ZNRF3: variants seen among roughly 807,000 people sequenced by gnomAD.
ZNRF3 encodes E3 ubiquitin-protein ligase ZNRF3.
A neutral mutation model predicts 72.5 loss-of-function variants in ZNRF3; 23 were observed. The ratio of observed to expected loss-of-function variants is 0.32; its 90% CI spans 0.23 to 0.45. The LOEUF (loss-of-function observed/expected upper bound fraction) is 0.45, where lower values mean the gene tolerates loss of function less well. Ranked by LOEUF, ZNRF3 falls within the 20% of genes least tolerant of loss-of-function variation. The pLI is 1.00. For synonymous variants in ZNRF3, 610 were observed against 545.3 expected (o/e 1.12, Z -1.65); for missense variants, 1,169 against 1,272.1 (o/e 0.92, Z 1.23).
At position 29,003,349 on chromosome 22, in the gene ZNRF3, T is replaced by C. The variant is rs143209558; in HGVS notation, c.426+16148T>C. Among the ~76,000 whole-genome samples, 1,122 of 152,114 alleles carry C rather than the reference T, an allele frequency of 7.4e-3. 13 individuals are homozygous for C. Among genetic ancestry groups the C allele is most frequent in the African/African-American group, 0.024 (1,004 of 41,500 alleles). On this transcript the variant is annotated intron_variant, in intron 2 of 8. Transcript: ENST00000544604. Reference sequence around the variant, plus strand: ...GGTTAACACGATGAAACTCCATCTCTACTTAAAAAAATACAAAAAAATTAG... The same window carrying C: ...GGTTAACACGATGAAACTCCATCTCCACTTAAAAAAATACAAAAAAATTAG...
chr22:29,052,545 T>C (rs1164239697), intron 8 of ZNRF3, among the ~76,000 whole-genome samples: 1 of 152,024 alleles, frequency 6.6e-6, no homozygotes, highest in Non-Finnish European at 1.5e-5. Flanking sequence ...ATATGAAAAT[T>C]AGCCGGGCGT....
At position 29,048,272 on chromosome 22, in the gene ZNRF3, G is replaced by T. The variant is rs112999831; in HGVS notation, c.913-117G>T. The T allele has an allele frequency of 3.8e-4, 269 of 707,810 alleles. 1 individual carries two copies. The African/African-American group carries it at 4.0e-3, about 10-fold the overall frequency. 43.8% of individuals were successfully genotyped at this position (707,810 alleles called of 1,614,324 possible). ...TTGAGCCCTAATTGGAGGTGGGGAG[G>T]AGAGTAGGGAAGGGCACGGGCATGC... On this transcript the variant is annotated intron_variant, in intron 6 of 8. Coordinates refer to ENST00000544604, the MANE Select transcript of ZNRF3 (RefSeq NM_001206998.2). The surrounding 1 kb of genome is among the most constrained non-coding windows in gnomAD (Gnocchi z 4.9).
chr22:28,931,928 C>T (rs961512858), intron 1 of ZNRF3, among the ~76,000 whole-genome samples: 2 of 152,186 alleles, frequency 1.3e-5, no homozygotes, highest in African/African-American at 4.8e-5. Flanking sequence ...GGTGAGGTTC[C>T]TATGGACAGA....
At chr22:28,923,316 C>T (rs989553722) in intron 1 of ZNRF3, among the ~76,000 whole-genome samples, 44 of 152,106 alleles carry the variant, frequency 2.9e-4, no homozygotes, top group Non-Finnish European at 4.4e-5. Context: ...CCTCCCCATG[C>T]AGGGATTGTA....
At chr22:28,982,542 G>A (rs2035783981) in intron 1 of ZNRF3, among the ~76,000 whole-genome samples, 1 of 150,900 alleles carries the variant, frequency 6.6e-6, no homozygotes, top group Non-Finnish European at 1.5e-5. Flanking sequence ...CTCTCATCTG[G>A]GTGACAGAAC....
At chr22:29,002,469 G>C (rs2036164924) in intron 2 of ZNRF3, among the ~76,000 whole-genome samples, 1 of 152,222 alleles carries the variant, frequency 6.6e-6, no homozygotes, top group Admixed American at 6.5e-5. Flanking sequence ...ATGTAGGCAA[G>C]TAACAGCTGT....
chr22:28,982,433 C>CAAAAAAAAAAAAAAAAAAAAAAA, intron 1 of ZNRF3, among the ~76,000 whole-genome samples: 1 of 76,532 alleles, frequency 1.3e-5, no homozygotes, highest in Non-Finnish European at 2.5e-5. Flanking sequence ...CCTGTCTCTA[C>CAAAAAAAAAAAAAAAAAAAAAAA]AAAAAAAAAA....
intron 2 of ZNRF3, among the ~76,000 whole-genome samples, chr22:29,039,250 C>T (rs181294728): frequency 2.0e-4 from 31 of 152,306 alleles, no homozygotes; most frequent in African/African-American, 6.7e-4. Flanking sequence ...AAGAAGGCCA[C>T]GTGGCTAAAT....
At chr22:28,971,905 G>A (rs764798490) in intron 1 of ZNRF3, among the ~76,000 whole-genome samples, 1 of 151,870 alleles carries the variant, frequency 6.6e-6, no homozygotes, top group Non-Finnish European at 1.5e-5. Context: ...ACAGGGTTTC[G>A]CCATGTTGCT....
At chr22:28,984,619 A>G (rs2035821553) in intron 1 of ZNRF3, among the ~76,000 whole-genome samples, 1 of 152,202 alleles carries the variant, frequency 6.6e-6, no homozygotes, top group Admixed American at 6.5e-5. Context: ...CGTTACCATG[A>G]TTTGACCTGG....
chr22:28,917,268 AACACACACACACAC>A (rs10533572), intron 1 of ZNRF3: 118 of 171,208 alleles, frequency 6.9e-4, no homozygotes, highest in Non-Finnish European at 1.1e-3. Context: ...TTGGGGATAA[AACACACACACACAC>A]ACACACACAC....
chr22:29,027,830 G>A (rs2036670364), intron 2 of ZNRF3, among the ~76,000 whole-genome samples: 1 of 152,166 alleles, frequency 6.6e-6, no homozygotes. Context: ...AGTCCAAGCA[G>A]TGTGAGATAC....
rs189309063 is a variant in ZNRF3 at position 28,918,050 on chromosome 22, C to T, written c.300+33984C>T. Among the ~76,000 whole-genome samples the T allele has an allele frequency of 3.3e-5, 5 of 152,280 alleles. No homozygotes were observed. In the East Asian group the frequency reaches 5.8e-4, roughly 18 times the overall value. On this transcript the variant is annotated intron_variant, in intron 1 of 8. Transcript: ENST00000544604. ...GAGGGTATTTATAACTAGCTGTTTG[C>T]GTGCTTAGAGGAACTGAAGTCCTGC...
intron 2 of ZNRF3, among the ~76,000 whole-genome samples, chr22:28,993,284 G>A (rs560661426): frequency 6.6e-6 from 1 of 152,288 alleles, no homozygotes; most frequent in Admixed American, 6.5e-5. Context: ...AAATTACTGA[G>A]GGCTCTTCAT....
chr22:28,991,026 A>G (rs1484170971), intron 2 of ZNRF3, among the ~76,000 whole-genome samples: 1 of 152,002 alleles, frequency 6.6e-6, no homozygotes, highest in Non-Finnish European at 1.5e-5. Flanking sequence ...TCACGCCTGT[A>G]ATCCTAGTAC....
chr22:28,907,582 T>G (rs1201214223), intron 1 of ZNRF3, among the ~76,000 whole-genome samples: 1 of 152,180 alleles, frequency 6.6e-6, no homozygotes, highest in African/African-American at 2.4e-5. Context: ...AAGATTTTGC[T>G]TTCATTTGGT....
intron 2 of ZNRF3, among the ~76,000 whole-genome samples, chr22:28,999,463 G>A (rs938248967): frequency 6.6e-6 from 1 of 152,166 alleles, no homozygotes; most frequent in Non-Finnish European, 1.5e-5. Flanking sequence ...GTGATAGAGC[G>A]AGACCCCTGA....
chr22:28,955,116 C>T (rs527926570), intron 1 of ZNRF3, among the ~76,000 whole-genome samples: 2 of 149,932 alleles, frequency 1.3e-5, no homozygotes, highest in East Asian at 2.0e-4. Context: ...TCATGGCTCA[C>T]TGCAGCTTTG....
intron 1 of ZNRF3, among the ~76,000 whole-genome samples, chr22:28,985,480 A>G (rs928881445): frequency 1.3e-5 from 2 of 151,764 alleles, no homozygotes; most frequent in African/African-American, 4.8e-5. Context: ...CATTCTAGCA[A>G]CTCTTGCTGC....
Sources: allele counts gnomAD v4.1 joint callset (sites outside exome capture counted in the v4.1 genomes callset), GRCh38; gene constraint gnomAD v4.1.1; non-coding constraint Gnocchi (gnomAD v3.1); transcripts MANE v1.5; gene names NCBI Gene and HGNC (gene_info 2026-07-23, HGNC 2026-07-21).